Variants in CGNL1 observed in about 807,000 individuals in gnomAD.
CGNL1 encodes cingulin like 1.
Under a neutral mutation model 141.2 loss-of-function variants are expected in CGNL1, and 132 were observed. The observed-to-expected ratio is 0.93, with a 90% CI of 0.81 to 1.08. The LOEUF is 1.08. CGNL1 is among the 50% of genes least tolerant of loss of function. The pLI, the probability that CGNL1 is intolerant of heterozygous loss-of-function variation, is 0.00. For missense variants in CGNL1, 1,870 were observed against 1,588.6 expected (o/e 1.18, Z -3.01); for synonymous variants, 690 against 622.1 (o/e 1.11, Z -1.63).
chr15:57,448,563 G>T (rs1280818426), intron 4 of CGNL1, among the ~76,000 whole-genome samples: 1 of 151,962 alleles, frequency 6.6e-6, no homozygotes, highest in Non-Finnish European at 1.5e-5. Context: ...CAGGAGAATT[G>T]TTTGAACCCA....
chr15:57,404,575 A>T (rs577200231), intron 1 of CGNL1, among the ~76,000 whole-genome samples: 1 of 152,266 alleles, frequency 6.6e-6, no homozygotes, highest in South Asian at 2.1e-4. Context: ...TCGTTTAGTT[A>T]TTCTGCAGCT....
intron 1 of CGNL1, among the ~76,000 whole-genome samples, chr15:57,394,982 T>G (rs1188723302): frequency 3.3e-5 from 5 of 152,242 alleles, no homozygotes; most frequent in African/African-American, 9.6e-5. Flanking sequence ...CATGGTGGCA[T>G]ACGCCTGTAG....
At chr15:57,531,606 G>A in intron 13 of CGNL1, 84 bp from the exon 14 acceptor site, 1 of 849,858 alleles carries the variant, frequency 1.2e-6, no homozygotes, top group Non-Finnish European at 2.0e-6. Context: ...TTTGCCCTTA[G>A]GATTGTTTCT....
rs377705775 is a variant in CGNL1, at chr15:57,456,491, T to TA, written c.2190+2684dup. 4.2e-3 allele frequency among the ~76,000 whole-genome samples: 609 copies of TA among 144,326 alleles called. 4 individuals are homozygous for TA. The highest frequency in any genetic ancestry group is 0.013 in the African/African-American group (512 of 39,542). The allele number at this position is 144,326 out of a possible 152,430, so 94.7% of individuals were successfully genotyped here. Reference sequence around the variant, plus strand: ...CTTCTCTAATAAACTGGCTTTCACTTAAAAAAAAAAATAAATAAAACAGTT... The same window carrying TA: ...CTTCTCTAATAAACTGGCTTTCACTTAAAAAAAAAAAATAAATAAAACAGTT... On this transcript the variant is annotated intron_variant, in intron 7 of 18. Coordinates refer to ENST00000281282, the MANE Select transcript of CGNL1 (RefSeq NM_032866.5).
chr15:57,409,120 A>G (rs1308114334), intron 1 of CGNL1, among the ~76,000 whole-genome samples: 2 of 151,732 alleles, frequency 1.3e-5, no homozygotes, highest in Non-Finnish European at 2.9e-5. Flanking sequence ...TTAATTGAGG[A>G]CATTAGGAAC....
intron 4 of CGNL1, 119 bp downstream of exon 4, chr15:57,442,597 G>A (rs1165726250): frequency 2.0e-5 from 12 of 605,922 alleles, no homozygotes; most frequent in Non-Finnish European, 3.6e-5. Flanking sequence ...CCTGAGTAGT[G>A]AGGAGTACTC....
chr15:57,547,326 A>G (rs2032921619), intron 18 of CGNL1, 29 bp from the exon 19 acceptor site: 1 of 1,612,156 alleles, frequency 6.2e-7, no homozygotes, highest in Non-Finnish European at 8.5e-7. Context: ...GCCCAGGGCC[A>G]GGAAACATGC....
chr15:57,496,565 G>A (rs147892152), intron 8 of CGNL1, among the ~76,000 whole-genome samples: 4 of 152,170 alleles, frequency 2.6e-5, no homozygotes, highest in Non-Finnish European at 4.4e-5. Context: ...CTGGTCCCTG[G>A]TGCCAAAAAG....
chr15:57,399,222 C>G (rs1477588829), intron 1 of CGNL1, among the ~76,000 whole-genome samples: 1 of 152,224 alleles, frequency 6.6e-6, no homozygotes, highest in Non-Finnish European at 1.5e-5. Flanking sequence ...ATCCTATCTT[C>G]TAGCTATCTG....
At chr15:57,484,362 T>C (rs2063762068) in intron 8 of CGNL1, among the ~76,000 whole-genome samples, 1 of 152,200 alleles carries the variant, frequency 6.6e-6, no homozygotes, top group Admixed American at 6.5e-5. Flanking sequence ...AATTGGTCTA[T>C]TTCATCTAAG....
intron 7 of CGNL1, among the ~76,000 whole-genome samples, chr15:57,459,635 A>C (rs1333766908): frequency 2.6e-5 from 4 of 152,176 alleles, no homozygotes; most frequent in Admixed American, 2.6e-4. Flanking sequence ...CTGAGTGGTT[A>C]TCGTAAACCA....
chr15:57,469,142 G>A (rs1243708052), intron 8 of CGNL1, among the ~76,000 whole-genome samples: 1 of 152,112 alleles, frequency 6.6e-6, no homozygotes, highest in Non-Finnish European at 1.5e-5. Context: ...GTTAGAAGTA[G>A]AGAGTGGGGA....
chr15:57,516,105 G>GT lies in CGNL1; in HGVS notation c.2404-675_2404-674insT, dbSNP rs558972519. Reference sequence around the variant, plus strand: ...ACCCAGGAGGCGGAGCTTGCAGTGAGCCGACATCGCGCCACTGCACTCCAG... The same window carrying GT: ...ACCCAGGAGGCGGAGCTTGCAGTGAGTCCGACATCGCGCCACTGCACTCCAG... On this transcript the variant is annotated intron_variant, in intron 8 of 18. Transcript: ENST00000281282. Among the ~76,000 whole-genome samples, 1,062 of 143,392 alleles carry GT rather than the reference G, an allele frequency of 7.4e-3. 5 individuals are homozygous for GT. The highest frequency in any genetic ancestry group is 0.011 in the Non-Finnish European group (743 of 66,836). 94.1% of individuals were successfully genotyped at this position (143,392 alleles called of 152,430 possible).
At chr15:57,543,217 C>CAT (rs1238492158) in intron 14 of CGNL1, among the ~76,000 whole-genome samples, 2 of 128,298 alleles carry the variant, frequency 1.6e-5, no homozygotes, top group Admixed American at 8.3e-5. Context: ...CCCAATCCTC[C>CAT]ATCTCCACTT....
intron 7 of CGNL1, among the ~76,000 whole-genome samples, chr15:57,458,981 T>G (rs1364547103): frequency 6.6e-6 from 1 of 152,220 alleles, no homozygotes; most frequent in Non-Finnish European, 1.5e-5. Context: ...CCTGGTTCAA[T>G]GGAGGTGCAT....
intron 4 of CGNL1, among the ~76,000 whole-genome samples, chr15:57,450,096 T>C (rs1312085377): frequency 6.6e-6 from 1 of 152,214 alleles, no homozygotes. Flanking sequence ...CTGGGTTGTA[T>C]GGTAAGAGCA....
At chr15:57,391,157 C>T (rs2062538457) in intron 1 of CGNL1, among the ~76,000 whole-genome samples, 1 of 152,196 alleles carries the variant, frequency 6.6e-6, no homozygotes. Flanking sequence ...TGTTCCCAGT[C>T]TAGGGTCTGT....
At chr15:57,417,173 G>A (rs1013077074) in intron 1 of CGNL1, among the ~76,000 whole-genome samples, 4 of 152,132 alleles carry the variant, frequency 2.6e-5, no homozygotes, top group Admixed American at 6.5e-5. Flanking sequence ...GCACTATTAC[G>A]TATCTAGTTT....
At chr15:57,475,878 A>G (rs2063650445) in intron 8 of CGNL1, among the ~76,000 whole-genome samples, 1 of 151,996 alleles carries the variant, frequency 6.6e-6, no homozygotes, top group African/African-American at 2.4e-5. Context: ...AAATCGTGCC[A>G]TCCTTCATGG....
Sources: gnomAD v4.1 joint callset for allele counts (sites outside exome capture counted in the v4.1 genomes callset) on GRCh38, gnomAD v4.1.1 for gene constraint, MANE v1.5 for transcripts, NCBI Gene and HGNC (gene_info 2026-07-23, HGNC 2026-07-21) for gene names.